LYST: variants seen among roughly 807,000 people sequenced by gnomAD.
LYST encodes the protein lysosomal trafficking regulator, also known as lysosomal-trafficking regulator.
In LYST, 192 loss-of-function variants were observed where a neutral mutation model predicts 413.6. The ratio of observed to expected loss-of-function variants is 0.46; its 90% CI spans 0.41 to 0.52. The LOEUF (loss-of-function observed/expected upper bound fraction) is 0.52. Among genes scored for constraint, LYST ranks in the 20% least tolerant of loss-of-function variants. The probability of loss-of-function intolerance (pLI) is 0.00; values close to 1 mark genes in which losing one functional copy is unlikely to be tolerated. For missense variants in LYST, 3,815 were observed against 4,499.9 expected, an observed-to-expected ratio of 0.85 and a Z score of 4.35; for synonymous variants, 1,525 against 1,567.3, an observed-to-expected ratio of 0.97 and a Z score of 0.64.
At chr1:235,688,039 T>A (rs538840540) in intron 47 of LYST, among the ~76,000 whole-genome samples, 14 of 152,364 alleles carry the variant, frequency 9.2e-5, no homozygotes, top group African/African-American at 3.4e-4. Context: ...TCCAATTTTA[T>A]GTTTTCAGTT....
At chr1:235,738,353 T>C in intron 31 of LYST, 1 of 1,612,358 alleles carries the variant, frequency 6.2e-7, no homozygotes, top group Middle Eastern at 2.1e-4. Context: ...CATCTTTAAA[T>C]TCATCATTCC....
At chr1:235,691,750 G>A (rs541985636) in intron 47 of LYST, among the ~76,000 whole-genome samples, 19 of 147,042 alleles carry the variant, frequency 1.3e-4, no homozygotes, top group East Asian at 7.9e-4. Flanking sequence ...ATGCTGGAGC[G>A]CAATGGCACG....
At chr1:235,679,120 C>A (rs1659609098) in intron 48 of LYST, among the ~76,000 whole-genome samples, 1 of 152,166 alleles carries the variant, frequency 6.6e-6, no homozygotes, top group African/African-American at 2.4e-5. Context: ...TGTGTAGCAA[C>A]TGCCTGTTTA....
chr1:235,817,912 G>C (rs1674344385), intron 3 of LYST, among the ~76,000 whole-genome samples: 1 of 151,990 alleles, frequency 6.6e-6, no homozygotes, highest in Non-Finnish European at 1.5e-5. Flanking sequence ...TATTCATTAA[G>C]AGTTTGAAGG....
chr1:235,746,515 A>T lies in LYST; in HGVS notation c.7793T>A (p.Phe2598Tyr), dbSNP rs34642241. 6,664 of 1,612,650 alleles carry T rather than the reference A, an allele frequency of 4.1e-3. 225 individuals are homozygous for T. In the African/African-American group the frequency reaches 0.074, roughly 18 times the overall value. The change falls in exon 29 of 53, where the codon TTT becomes TAT. Residue 2598 changes from phenylalanine (F) to tyrosine (Y), a missense_variant. Phe to Tyr is a conservative substitution (Grantham distance 22). Around this residue, in one of 4 missense-constraint regions of LYST, gnomAD observed 771 missense variants for 837.1 expected, o/e 0.92. Coordinates refer to ENST00000389793, the MANE Select transcript of LYST (RefSeq NM_000081.4). ...KRKSIAGPRK[F>Y]PLAQTESLLM... ...AAGCGATTCAGTTTGAGCAAGGGGA[A>T]ATTTTCGAGGACCTTTAAAAGTATA...
chr1:235,844,103 T>G (rs1677516613), intron 1 of LYST, among the ~76,000 whole-genome samples: 1 of 152,238 alleles, frequency 6.6e-6, no homozygotes, highest in Non-Finnish European at 1.5e-5. Context: ...CTGCCATGAT[T>G]TGAAGCAGCC....
At chr1:235,762,958 T>A in intron 21 of LYST, 107 bp from the exon 22 acceptor site, 1 of 840,974 alleles carries the variant, frequency 1.2e-6, no homozygotes, top group Non-Finnish European at 2.0e-6. Flanking sequence ...AAAAGATGTT[T>A]AAAGAGAAAA....
rs768810140 is a variant in LYST at position 235,752,058 on chromosome 1, T to C, written c.7574A>G (p.Asp2525Gly). ...AAGATATCCAAGCATTACAATAAGGTCTTCAATAACCCTAAAATATTGTGA... is the reference window on the plus strand; with the variant it reads ...AAGATATCCAAGCATTACAATAAGGCCTTCAATAACCCTAAAATATTGTGA... ...SGSQYFRVIE[D>G]LIVMLGYLQN... The change falls in exon 27 of 53, where the codon GAC becomes GGC. Residue 2525 changes from aspartate (D) to glycine (G), a missense_variant. Asp to Gly is a moderately conservative substitution (Grantham distance 94). Transcript: ENST00000389793. 1 of 1,610,380 alleles carries C rather than the reference T, an allele frequency of 6.2e-7. No individual in the cohort carries two copies. The highest frequency in any genetic ancestry group is 1.1e-5 in the South Asian group (1 of 90,970).
At chr1:235,727,515 C>T (rs1663994326) in intron 38 of LYST, among the ~76,000 whole-genome samples, 1 of 151,930 alleles carries the variant, frequency 6.6e-6, no homozygotes, top group Admixed American at 6.6e-5. Context: ...TAGAACTTTT[C>T]TGAAACAAAA....
At chr1:235,720,608 A>T (rs1663277231) in intron 40 of LYST, 53 bp downstream of exon 40, 1 of 1,581,686 alleles carries the variant, frequency 6.3e-7, no homozygotes, top group Non-Finnish European at 8.7e-7. Context: ...TTTAATAAAG[A>T]AATACAACAT....
Position 235,759,616 on chromosome 1 carries a change from CA to C in LYST, c.6254-18del. 1 of 1,594,140 alleles carries C rather than the reference CA, an allele frequency of 6.3e-7. No individual in the cohort carries two copies. The highest frequency in any genetic ancestry group is 1.1e-5 in the South Asian group (1 of 90,682). On this transcript the variant is annotated intron_variant, in intron 22 of 52. Coordinates refer to ENST00000389793, the MANE Select transcript of LYST (RefSeq NM_000081.4). ...AATTCTCTCCTGGTAAGAGTAGATA[CA>C]AAAATACTACTTAAAAATCTATTAA...
intron 50 of LYST, among the ~76,000 whole-genome samples, chr1:235,671,203 G>A (rs562189157): frequency 5.3e-5 from 8 of 152,238 alleles, no homozygotes; most frequent in African/African-American, 1.4e-4. Context: ...CTCCCAAAGC[G>A]TTGGGATTAC....
chr1:235,827,990 T>C (rs1446842907), intron 3 of LYST: 14 of 373,422 alleles, frequency 3.7e-5, no homozygotes, highest in Admixed American at 6.5e-5. Context: ...TAAAAGAAGA[T>C]ATACAAATGG....
chr1:235,837,679 G>A (rs1413709772), intron 1 of LYST, among the ~76,000 whole-genome samples: 1 of 151,480 alleles, frequency 6.6e-6, no homozygotes, highest in African/African-American at 2.4e-5. Flanking sequence ...TGAAGACTGG[G>A]AATTGACTGC....
intron 1 of LYST, among the ~76,000 whole-genome samples, chr1:235,847,197 G>A (rs1187875515): frequency 6.6e-6 from 1 of 152,192 alleles, no homozygotes; most frequent in African/African-American, 2.4e-5. Context: ...AACCCTATAA[G>A]CTAGAAGGGA....
intron 50 of LYST, among the ~76,000 whole-genome samples, chr1:235,669,108 C>A (rs867646648): frequency 2.6e-5 from 4 of 152,264 alleles, no homozygotes; most frequent in Middle Eastern, 6.8e-3. Context: ...GTTCCTGGGA[C>A]AGAGTCCCTA....
intron 19 of LYST, among the ~76,000 whole-genome samples, chr1:235,771,924 T>TTG (rs1439348759): frequency 2.7e-5 from 4 of 145,622 alleles, no homozygotes; most frequent in African/African-American, 5.1e-5. Flanking sequence ...TTTGTTTTTT[T>TTG]TTTTTTTTTT....
At chr1:235,860,647 T>C (rs965675236) in intron 1 of LYST, among the ~76,000 whole-genome samples, 2 of 152,242 alleles carry the variant, frequency 1.3e-5, no homozygotes, top group Non-Finnish European at 2.9e-5. Context: ...GATTTCTTCA[T>C]GTCTTTTCAT....
At chr1:235,863,429 A>C (rs1333837963) in intron 1 of LYST, among the ~76,000 whole-genome samples, 2 of 151,568 alleles carry the variant, frequency 1.3e-5, no homozygotes, top group African/African-American at 4.9e-5. Context: ...GATTTATACA[A>C]TTTGAAGAGA....
Sources: gnomAD v4.1 joint callset for allele counts (sites outside exome capture counted in the v4.1 genomes callset) on GRCh38, gnomAD v4.1.1 for gene constraint, gnomAD v4.1.1 regional missense constraint, MANE v1.5 for transcripts, NCBI Gene and HGNC (gene_info 2026-07-23, HGNC 2026-07-21) for gene names.